The following PRR23E variants were observed in gnomAD, a reference collection of about 807,000 sequenced individuals.
The protein encoded by PRR23E is proline-rich protein 23E.
the PRR23E span, chr3:127,197,476 C>T: frequency 7.2e-7 from 1 of 1,396,984 alleles, no homozygotes; most frequent in African/African-American, 1.4e-5. Context: ...GCCCAGCCAG[C>T]TGTGGACTTT....
chr3:127,193,217 C>G, the PRR23E span: 1 of 152,212 alleles, frequency 6.6e-6, no homozygotes, highest in Non-Finnish European at 1.5e-5. Flanking sequence ...GCTCTGTTGA[C>G]AAACCTCAAC....
At chr3:127,193,304 C>T in the PRR23E span, 1 of 152,226 alleles carries the variant, frequency 6.6e-6, no homozygotes, top group African/African-American at 2.4e-5. Context: ...CAAAGTTAGC[C>T]TTATGGGATG....
the PRR23E span, among the ~76,000 whole-genome samples, chr3:127,195,672 C>T: frequency 1.3e-4 from 20 of 152,080 alleles, no homozygotes; most frequent in Non-Finnish European, 2.1e-4. Flanking sequence ...TCTTCCATTC[C>T]ATGCTGCCCC....
At chr3:127,195,288 T>C in the PRR23E span, among the ~76,000 whole-genome samples, 1 of 152,162 alleles carries the variant, frequency 6.6e-6, no homozygotes, top group Non-Finnish European at 1.5e-5. Context: ...TTTCTCTTCC[T>C]TTCCCGGGCC....
the PRR23E span, among the ~76,000 whole-genome samples, chr3:127,195,663 CTTCCA>C: frequency 2.6e-5 from 4 of 152,092 alleles, no homozygotes; most frequent in African/African-American, 7.2e-5. Flanking sequence ...GCCTCAGTTT[CTTCCA>C]TTCCATGCTG....
At chr3:127,197,641 C>A in the PRR23E span, 373 of 412,524 alleles carry the variant, frequency 9.0e-4, 4 homozygotes, top group East Asian at 1.9e-3. Flanking sequence ...TTTCTCCTCC[C>A]CAGACTGTCC....
At chr3:127,197,122 G>A in the PRR23E span, 120 of 1,597,846 alleles carry the variant, frequency 7.5e-5, no homozygotes, top group Non-Finnish European at 9.8e-5. Context: ...CCCACTCTGG[G>A]CGGGGCCACC....
the PRR23E span, chr3:127,197,208 AG>A: frequency 6.3e-7 from 1 of 1,596,976 alleles, no homozygotes; most frequent in Non-Finnish European, 8.5e-7. Flanking sequence ...GGGGCCATCC[AG>A]AGGAGCTCCC....
chr3:127,197,658 C>T, the PRR23E span: 368 of 381,384 alleles, frequency 9.6e-4, no homozygotes, highest in African/African-American at 6.6e-3. Context: ...GTCCTGGGCC[C>T]GCCCTCTAGT....
the PRR23E span, among the ~76,000 whole-genome samples, chr3:127,194,533 T>A: frequency 6.6e-6 from 1 of 152,218 alleles, no homozygotes; most frequent in African/African-American, 2.4e-5. Flanking sequence ...ATCTAGAGGC[T>A]ACCTTTGGGC....
chr3:127,196,930 T>C, the PRR23E span: 4 of 1,599,362 alleles, frequency 2.5e-6, no homozygotes, highest in East Asian at 6.7e-5. Flanking sequence ...CCGTGGGTGC[T>C]CTATGGTGGG....
the PRR23E span, chr3:127,197,248 C>T: frequency 6.3e-7 from 1 of 1,599,402 alleles, no homozygotes; most frequent in Non-Finnish European, 8.5e-7. Flanking sequence ...GCCCCTCCCT[C>T]AGAATGGGCC....
chr3:127,193,686 G>C, the PRR23E span, among the ~76,000 whole-genome samples: 1 of 152,124 alleles, frequency 6.6e-6, no homozygotes, highest in Admixed American at 6.5e-5. Context: ...TGGCTGCTTC[G>C]GACAAGGAAA....
the PRR23E span, chr3:127,196,842 A>G: frequency 6.3e-7 from 1 of 1,598,282 alleles, no homozygotes; most frequent in East Asian, 2.2e-5. Flanking sequence ...CCAGCCTGTA[A>G]CTGACCTGGC....
chr3:127,196,981 C>T, the PRR23E span: 4 of 1,599,408 alleles, frequency 2.5e-6, no homozygotes, highest in Non-Finnish European at 3.4e-6. Context: ...GCCTTGGTGC[C>T]TTCAGTGTGG....
chr3:127,193,514 C>A, the PRR23E span, among the ~76,000 whole-genome samples: 1 of 152,090 alleles, frequency 6.6e-6, no homozygotes, highest in African/African-American at 2.4e-5. Flanking sequence ...CAGCCCCAGC[C>A]CCTCCCCTAA....
At chr3:127,197,217 C>A in the PRR23E span, 1 of 1,597,830 alleles carries the variant, frequency 6.3e-7, no homozygotes, top group East Asian at 2.2e-5. Flanking sequence ...CAGAGGAGCT[C>A]CCTACTTGAA....
At chr3:127,196,628 T>G in the PRR23E span, 1 of 1,503,646 alleles carries the variant, frequency 6.7e-7, no homozygotes, top group African/African-American at 1.4e-5. Context: ...GGCCTCAGCT[T>G]GCAGAGGAGT....
the PRR23E span, chr3:127,197,080 T>C: frequency 5.0e-6 from 8 of 1,597,722 alleles, no homozygotes; most frequent in South Asian, 8.8e-5. Flanking sequence ...CCTTTCCCCA[T>C]GAAATTCCCA....
Sources: gnomAD v4.1 joint callset for allele counts (sites outside exome capture counted in the v4.1 genomes callset) on GRCh38, gnomAD v4.1.1 for gene constraint, MANE v1.5 for transcripts, NCBI Gene and HGNC (gene_info 2026-07-23, HGNC 2026-07-21) for gene names.